Variants in PIGK observed in about 807,000 individuals in gnomAD.
The protein encoded by PIGK is GPI-anchor transamidase.
PIGK carries 42 observed loss-of-function variants against 50.6 expected under a neutral mutation model. The observed-to-expected ratio is 0.83, with a 90% CI of 0.65 to 1.07. The LOEUF (loss-of-function observed/expected upper bound fraction) is 1.07. Ranked by LOEUF, PIGK falls within the 50% of genes least tolerant of loss-of-function variation. PIGK has a pLI of 0.00. For synonymous variants in PIGK, 151 were observed against 156.0 expected (o/e 0.97, Z 0.24); for missense variants, 448 against 488.7 (o/e 0.92, Z 0.78).
intron 1 of PIGK, among the ~76,000 whole-genome samples, chr1:77,216,579 GATAA>G (rs1656570486): frequency 6.6e-6 from 1 of 152,044 alleles, no homozygotes; most frequent in South Asian, 2.1e-4. Flanking sequence ...AAATTGACAT[GATAA>G]ATATAGAATA....
rs201892195 is a variant in PIGK, at chr1:77,154,444, A to C, written c.986+5T>G. On this transcript the variant is annotated splice_donor_5th_base_variant and intron_variant, in intron 9 of 10. Transcript: ENST00000370812. ...TCTATTCAAATAATGGTTTAAGATG[A>C]ATACCTGCTTTCCATGATTTCTGAA... 3 of 1,598,618 alleles carry C rather than the reference A, an allele frequency of 1.9e-6. No individual in the cohort carries two copies. Among genetic ancestry groups the C allele is most frequent in the Non-Finnish European group, 2.6e-6 (3 of 1,167,920 alleles).
At chr1:77,197,656 A>T (rs1167244198) in intron 3 of PIGK, among the ~76,000 whole-genome samples, 1 of 152,120 alleles carries the variant, frequency 6.6e-6, no homozygotes, top group East Asian at 1.9e-4. Context: ...TAAAGTCATC[A>T]TTTTTGCCCA....
At chr1:77,143,223 C>A (rs143259408) in intron 9 of PIGK, among the ~76,000 whole-genome samples, 127 of 152,234 alleles carry the variant, frequency 8.3e-4, no homozygotes, top group African/African-American at 2.8e-3. Flanking sequence ...TCCTCACACA[C>A]AAACACCCCT....
intron 4 of PIGK, among the ~76,000 whole-genome samples, chr1:77,167,812 T>G (rs1442266159): frequency 6.6e-6 from 1 of 152,172 alleles, no homozygotes; most frequent in East Asian, 1.9e-4. Flanking sequence ...ATACAAAATA[T>G]AAGAATTTTT....
intron 9 of PIGK, among the ~76,000 whole-genome samples, chr1:77,126,588 A>G (rs1217640753): frequency 6.6e-6 from 1 of 152,122 alleles, no homozygotes; most frequent in Admixed American, 6.6e-5. Flanking sequence ...AAGGGACACC[A>G]CAGCCCCACT....
At chr1:77,111,000 G>A (rs1345770941) in intron 10 of PIGK, among the ~76,000 whole-genome samples, 1 of 152,106 alleles carries the variant, frequency 6.6e-6, no homozygotes, top group Non-Finnish European at 1.5e-5. Flanking sequence ...AAAGACACAT[G>A]AAAAAATGCT....
At chr1:77,214,631 C>T (rs78200202) in intron 1 of PIGK, among the ~76,000 whole-genome samples, 2 of 152,006 alleles carry the variant, frequency 1.3e-5, no homozygotes, top group Non-Finnish European at 2.9e-5. Flanking sequence ...TATCAACATA[C>T]CACTGGAAGT....
chr1:77,170,817 C>T (rs552091648), intron 3 of PIGK, among the ~76,000 whole-genome samples: 12 of 152,066 alleles, frequency 7.9e-5, no homozygotes, highest in South Asian at 6.2e-4. Flanking sequence ...ATGTGGCATA[C>T]GTAATTAGTT....
At chr1:77,217,535 T>C (rs1656596627) in intron 1 of PIGK, among the ~76,000 whole-genome samples, 1 of 152,130 alleles carries the variant, frequency 6.6e-6, no homozygotes, top group African/African-American at 2.4e-5. Context: ...TAGAGCAACA[T>C]TAAGGTGATC....
chr1:77,159,956 A>C (rs1158239115), intron 8 of PIGK, among the ~76,000 whole-genome samples: 1 of 152,088 alleles, frequency 6.6e-6, no homozygotes, highest in Non-Finnish European at 1.5e-5. Context: ...CGAGAATAGG[A>C]GCTCTGGGAG....
intron 9 of PIGK, among the ~76,000 whole-genome samples, chr1:77,133,765 G>C (rs182477031): frequency 6.6e-6 from 1 of 152,138 alleles, no homozygotes; most frequent in East Asian, 1.9e-4. Flanking sequence ...GGCCCTTCAA[G>C]GTTTTCAGTT....
chr1:77,184,511 C>A (rs899101397), intron 3 of PIGK, among the ~76,000 whole-genome samples: 1 of 152,104 alleles, frequency 6.6e-6, no homozygotes, highest in South Asian at 2.1e-4. Flanking sequence ...CTGTGCACTG[C>A]GGAAAGGGAA....
chr1:77,115,011 C>G (rs1502533), intron 10 of PIGK, among the ~76,000 whole-genome samples: 29,160 of 152,030 alleles, frequency 0.19, 3,595 homozygotes, highest in African/African-American at 0.35. Context: ...TTTTTTAAAA[C>G]AAGGTGGCAG....
chr1:77,112,666 G>A (rs1653881210), intron 10 of PIGK, among the ~76,000 whole-genome samples: 1 of 151,934 alleles, frequency 6.6e-6, no homozygotes, highest in Admixed American at 6.6e-5. Flanking sequence ...GGATGCATTG[G>A]GCATGAGTAA....
chr1:77,149,346 T>C (rs188467916), intron 9 of PIGK, among the ~76,000 whole-genome samples: 10 of 152,158 alleles, frequency 6.6e-5, no homozygotes, highest in African/African-American at 2.2e-4. Context: ...ACCTATATGT[T>C]GCCTACAAGA....
intron 3 of PIGK, among the ~76,000 whole-genome samples, chr1:77,181,515 T>C (rs939474065): frequency 2.6e-5 from 4 of 152,208 alleles, no homozygotes; most frequent in Non-Finnish European, 5.9e-5. Flanking sequence ...TAATATATAA[T>C]GTTTTCCACA....
At chr1:77,112,412 G>T (rs929726821) in intron 10 of PIGK, among the ~76,000 whole-genome samples, 1 of 151,972 alleles carries the variant, frequency 6.6e-6, no homozygotes, top group Non-Finnish European at 1.5e-5. Context: ...GTCAGTTTCT[G>T]TATTTATATG....
At chr1:77,171,436 CA>C (rs58788160) in intron 3 of PIGK, among the ~76,000 whole-genome samples, 689 of 46,790 alleles carry the variant, frequency 0.015, 1 homozygote, top group African/African-American at 0.022. Context: ...GACTCCACCT[CA>C]AAAAAAAAAA....
intron 8 of PIGK, among the ~76,000 whole-genome samples, chr1:77,159,477 T>G (rs1655086748): frequency 6.6e-6 from 1 of 152,102 alleles, no homozygotes; most frequent in East Asian, 1.9e-4. Flanking sequence ...CCCAGAATGG[T>G]AGATCCACTG....
Sources: allele counts gnomAD v4.1 joint callset (sites outside exome capture counted in the v4.1 genomes callset), GRCh38; gene constraint gnomAD v4.1.1; transcripts MANE v1.5; gene names NCBI Gene and HGNC (gene_info 2026-07-23, HGNC 2026-07-21).